PDHX: variants seen among roughly 807,000 people sequenced by gnomAD.
The protein encoded by PDHX is pyruvate dehydrogenase protein X component, mitochondrial.
Under a neutral mutation model 55.3 loss-of-function variants are expected in PDHX, and 33 were observed. That is an observed-to-expected ratio of 0.60 (90% CI 0.45 to 0.80). The LOEUF is 0.80. PDHX is among the 30% of genes least tolerant of loss of function. The pLI is 0.00. For synonymous variants in PDHX, 226 were observed against 219.4 expected (o/e 1.03, Z -0.27); for missense variants, 622 against 619.9 (o/e 1.00, Z -0.04).
At chr11:34,924,421 A>C (rs1298691313) in intron 1 of PDHX, among the ~76,000 whole-genome samples, 1 of 151,978 alleles carries the variant, frequency 6.6e-6, no homozygotes, top group Non-Finnish European at 1.5e-5. Flanking sequence ...GGCTTTCACC[A>C]TGTTGTCCAG....
At chr11:34,955,925 C>G (rs1409343904) in intron 3 of PDHX, among the ~76,000 whole-genome samples, 1 of 151,924 alleles carries the variant, frequency 6.6e-6, no homozygotes, top group African/African-American at 2.4e-5. Context: ...CTTAACAGTG[C>G]TTTTTTGTAT....
At chr11:34,967,342 A>C (rs902525712) in intron 6 of PDHX, among the ~76,000 whole-genome samples, 2 of 152,228 alleles carry the variant, frequency 1.3e-5, no homozygotes, top group African/African-American at 4.8e-5. Context: ...TTGTGTGTTA[A>C]CTTCCAAATA....
chr11:34,977,945 A>G, intron 7 of PDHX, 179 bp from the exon 8 acceptor site: 1 of 606,442 alleles, frequency 1.6e-6, no homozygotes, highest in Non-Finnish European at 3.0e-6. Flanking sequence ...TTGATCCAGG[A>G]CCTCATATAA....
chr11:34,994,636 G>A (rs1348152950), intron 10 of PDHX, among the ~76,000 whole-genome samples: 2 of 152,120 alleles, frequency 1.3e-5, no homozygotes, highest in African/African-American at 4.8e-5. Context: ...TTCGTTATGT[G>A]GGACATGACT....
chr11:34,936,165 G>T (rs2054417351), intron 2 of PDHX, among the ~76,000 whole-genome samples: 1 of 152,190 alleles, frequency 6.6e-6, no homozygotes, highest in Non-Finnish European at 1.5e-5. Context: ...AGGGAGTCTG[G>T]GGTGTAAGGA....
At chr11:34,940,711 A>AT (rs1854452491) in intron 2 of PDHX, among the ~76,000 whole-genome samples, 1 of 152,006 alleles carries the variant, frequency 6.6e-6, no homozygotes, top group South Asian at 2.1e-4. Flanking sequence ...GATTGCAGTC[A>AT]TTTTTTTCCT....
chr11:34,920,545 T>G (rs1325873501), intron 1 of PDHX, among the ~76,000 whole-genome samples: 1 of 152,184 alleles, frequency 6.6e-6, no homozygotes, highest in Admixed American at 6.5e-5. Context: ...ATCAGGAGAC[T>G]TTACAGAGAA....
chr11:34,992,553 T>A (rs1855777068), intron 10 of PDHX, among the ~76,000 whole-genome samples, 174 bp downstream of exon 10: 1 of 152,190 alleles, frequency 6.6e-6, no homozygotes, highest in Non-Finnish European at 1.5e-5. Flanking sequence ...GCTTTCATAT[T>A]AAAGCTAGTA....
chr11:34,976,510 C>CTGAAGCCT, intron 7 of PDHX, among the ~76,000 whole-genome samples: 1 of 152,276 alleles, frequency 6.6e-6, no homozygotes, highest in East Asian at 1.9e-4. Flanking sequence ...ATATACAAGT[C>CTGAAGCCT]TGAAGCCTCA....
intron 2 of PDHX, among the ~76,000 whole-genome samples, chr11:34,945,438 C>T (rs1854599492): frequency 6.6e-6 from 1 of 152,066 alleles, no homozygotes; most frequent in South Asian, 2.1e-4. Context: ...GGTAAAATTT[C>T]CTAGCCTTTA....
chr11:34,989,996 A>T (rs1041188005), intron 9 of PDHX, among the ~76,000 whole-genome samples: 2 of 152,084 alleles, frequency 1.3e-5, no homozygotes, highest in Non-Finnish European at 2.9e-5. Flanking sequence ...TCATCCATGA[A>T]CCCCAAGTTA....
chr11:34,984,883 G>T, intron 9 of PDHX, 155 bp downstream of exon 9: 1 of 679,862 alleles, frequency 1.5e-6, no homozygotes. Flanking sequence ...ATATATATAG[G>T]TTTTTAAAGT....
At chr11:34,949,956 T>A (rs114428188) in intron 3 of PDHX, among the ~76,000 whole-genome samples, 7,123 of 152,108 alleles carry the variant, frequency 0.047, 527 homozygotes, top group African/African-American at 0.16. Flanking sequence ...AAATTTTTTT[T>A]AAAAAAATGG....
chr11:34,961,816 A>G (rs1336082176), intron 5 of PDHX, among the ~76,000 whole-genome samples: 1 of 152,228 alleles, frequency 6.6e-6, no homozygotes, highest in Non-Finnish European at 1.5e-5. Context: ...CTGTCCTGAG[A>G]GCTGACTGAA....
intron 1 of PDHX, among the ~76,000 whole-genome samples, chr11:34,917,604 C>T (rs1048447630): frequency 1.3e-5 from 2 of 152,014 alleles, no homozygotes; most frequent in African/African-American, 4.8e-5. Flanking sequence ...TGCCAATCAT[C>T]GTTCCTGGCA....
intron 5 of PDHX, among the ~76,000 whole-genome samples, chr11:34,963,502 GCT>G (rs1253949922): frequency 6.6e-6 from 1 of 152,120 alleles, no homozygotes; most frequent in Non-Finnish European, 1.5e-5. Flanking sequence ...CTGGTCTCAA[GCT>G]CTTGGCCTCA....
chr11:34,986,455 G>A (rs192368867), intron 9 of PDHX, among the ~76,000 whole-genome samples: 331 of 152,188 alleles, frequency 2.2e-3, no homozygotes, highest in African/African-American at 7.3e-3. Context: ...CTGTGTTTTT[G>A]TGAAGGTTAA....
intron 8 of PDHX, among the ~76,000 whole-genome samples, chr11:34,979,552 C>T (rs1265826764): frequency 6.6e-6 from 1 of 152,132 alleles, no homozygotes; most frequent in Non-Finnish European, 1.5e-5. Context: ...TAATGGTTAG[C>T]ACTCTGTATT....
intron 9 of PDHX, 90 bp downstream of exon 9, chr11:34,984,818 G>C (rs977835220): frequency 1.5e-5 from 19 of 1,256,652 alleles, no homozygotes; most frequent in Non-Finnish European, 2.0e-5. Context: ...AATCTAGTCA[G>C]ACTGTGATTT....
Sources: allele counts gnomAD v4.1 joint callset (sites outside exome capture counted in the v4.1 genomes callset), GRCh38; gene constraint gnomAD v4.1.1; transcripts MANE v1.5; gene names NCBI Gene and HGNC (gene_info 2026-07-23, HGNC 2026-07-21).